The following FHOD3 variants were observed in gnomAD, a reference collection of about 807,000 sequenced individuals.
FHOD3 encodes FH1/FH2 domain-containing protein 3.
A neutral mutation model predicts 173.0 loss-of-function variants in FHOD3; 90 were observed. That is an observed-to-expected ratio of 0.52 (90% confidence interval 0.44 to 0.62). The LOEUF is 0.62. FHOD3 is among the 20% of genes least tolerant of loss of function. FHOD3 has a pLI of 0.00. For missense variants in FHOD3, 1,945 were observed against 2,034.7 expected (o/e 0.96, Z 0.85); for synonymous variants, 828 against 823.0 (o/e 1.01, Z -0.10).
At chr18:36,431,783 A>AG (rs1236828277) in intron 3 of FHOD3, among the ~76,000 whole-genome samples, 1 of 152,248 alleles carries the variant, frequency 6.6e-6, no homozygotes, top group Non-Finnish European at 1.5e-5. Flanking sequence ...GGAAGGCCCA[A>AG]GGAAGTTTCC....
At chr18:36,657,996 G>A in intron 13 of FHOD3, 79 bp from the exon 14 acceptor site, 1 of 1,050,124 alleles carries the variant, frequency 9.5e-7, no homozygotes, top group African/African-American at 1.6e-5. Flanking sequence ...AAATTAAAAT[G>A]GTTTGCTAAG....
intron 1 of FHOD3, among the ~76,000 whole-genome samples, chr18:36,314,322 C>T (rs1697127102): frequency 6.6e-6 from 1 of 152,204 alleles, no homozygotes; most frequent in Non-Finnish European, 1.5e-5. Context: ...GTGAGAATCA[C>T]TTCTCAATCC....
intron 2 of FHOD3, among the ~76,000 whole-genome samples, chr18:36,370,370 T>C (rs1028112979): frequency 2.6e-5 from 4 of 152,140 alleles, no homozygotes; most frequent in African/African-American, 9.7e-5. Flanking sequence ...CATTAGGGTT[T>C]AGCTTAACAA....
chr18:36,678,908 A>G (rs2038051549), intron 14 of FHOD3, among the ~76,000 whole-genome samples: 1 of 149,376 alleles, frequency 6.7e-6, no homozygotes. Flanking sequence ...ATCTGGCTTT[A>G]GTGTCAGAGT....
intron 2 of FHOD3, among the ~76,000 whole-genome samples, chr18:36,370,132 A>G (rs2047108649): frequency 6.6e-6 from 1 of 152,090 alleles, no homozygotes; most frequent in Non-Finnish European, 1.5e-5. Flanking sequence ...CCTCTTCCTT[A>G]GCTGGTCCCC....
At chr18:36,695,496 T>G (rs150492220) in intron 17 of FHOD3, among the ~76,000 whole-genome samples, 2 of 152,266 alleles carry the variant, frequency 1.3e-5, no homozygotes, top group East Asian at 3.9e-4. Context: ...AATCTGCATA[T>G]AACCAAGAAT....
chr18:36,651,281 G>T (rs2036033203), intron 11 of FHOD3, among the ~76,000 whole-genome samples: 1 of 152,124 alleles, frequency 6.6e-6, no homozygotes. Flanking sequence ...CACATTCCAT[G>T]TTCACACGAA....
At chr18:36,415,032 C>T (rs1352256474) in intron 3 of FHOD3, among the ~76,000 whole-genome samples, 2 of 152,092 alleles carry the variant, frequency 1.3e-5, no homozygotes, top group African/African-American at 4.8e-5. Context: ...AACTGGGGAG[C>T]AAGGACCACA....
intron 3 of FHOD3, among the ~76,000 whole-genome samples, chr18:36,445,230 G>A (rs1383653406): frequency 2.0e-5 from 3 of 152,202 alleles, no homozygotes; most frequent in Non-Finnish European, 4.4e-5. Flanking sequence ...TTTGAGGCCA[G>A]TTCAGGACTT....
chr18:36,674,867 G>A (rs181454217), intron 14 of FHOD3, among the ~76,000 whole-genome samples: 1 of 152,286 alleles, frequency 6.6e-6, no homozygotes, highest in East Asian at 1.9e-4. Context: ...CAAAGAAGAG[G>A]AAGACTTGAG....
intron 23 of FHOD3, among the ~76,000 whole-genome samples, chr18:36,745,833 C>T (rs575839294): frequency 6.6e-6 from 1 of 150,736 alleles, no homozygotes; most frequent in East Asian, 2.0e-4. Context: ...GTGTACCTCC[C>T]GCTCATCCCC....
At chr18:36,524,406 G>A (rs1475149154) in intron 5 of FHOD3, among the ~76,000 whole-genome samples, 1 of 152,140 alleles carries the variant, frequency 6.6e-6, no homozygotes, top group East Asian at 1.9e-4. Context: ...TGTACATGGT[G>A]AGGCCAGGGG....
At chr18:36,317,446 G>A (rs978311777) in intron 1 of FHOD3, among the ~76,000 whole-genome samples, 7 of 152,142 alleles carry the variant, frequency 4.6e-5, no homozygotes, top group African/African-American at 1.7e-4. Context: ...TTTGCATTGT[G>A]GTTTTGATTT....
At chr18:36,709,018 C>T in intron 17 of FHOD3, 77 bp from the exon 18 acceptor site, 1 of 1,526,098 alleles carries the variant, frequency 6.6e-7, no homozygotes, top group Non-Finnish European at 8.9e-7. Context: ...AGAAATCAAC[C>T]TCACATTCAT....
intron 2 of FHOD3, among the ~76,000 whole-genome samples, chr18:36,366,311 A>G (rs906250308): frequency 2.0e-5 from 3 of 152,190 alleles, no homozygotes; most frequent in Non-Finnish European, 2.9e-5. Flanking sequence ...AGCAAGAGAC[A>G]TACAGAAAGT....
At chr18:36,754,097 C>T (rs1352526720) in intron 24 of FHOD3, among the ~76,000 whole-genome samples, 1 of 152,142 alleles carries the variant, frequency 6.6e-6, no homozygotes, top group Non-Finnish European at 1.5e-5. Context: ...CATATCTAAG[C>T]ACATTAATCC....
chr18:36,385,643 C>T (rs562366408), intron 3 of FHOD3, among the ~76,000 whole-genome samples: 6 of 152,322 alleles, frequency 3.9e-5, no homozygotes, highest in Non-Finnish European at 5.9e-5. Flanking sequence ...CTCAGGTGAT[C>T]CGCCTGCCTT....
chr18:36,323,279 C>A (rs1172136569), intron 1 of FHOD3, among the ~76,000 whole-genome samples: 1 of 152,182 alleles, frequency 6.6e-6, no homozygotes, highest in African/African-American at 2.4e-5. Context: ...CACGTAACAC[C>A]AGGGCAAAGA....
intron 6 of FHOD3, among the ~76,000 whole-genome samples, chr18:36,586,888 A>G (rs944628068): frequency 6.6e-6 from 1 of 152,216 alleles, no homozygotes; most frequent in African/African-American, 2.4e-5. Flanking sequence ...GGTTCTTTAA[A>G]GAAGCTCTTA....
Sources: allele counts gnomAD v4.1 joint callset (sites outside exome capture counted in the v4.1 genomes callset), GRCh38; gene constraint gnomAD v4.1.1; transcripts MANE v1.5; gene names NCBI Gene and HGNC (gene_info 2026-07-23, HGNC 2026-07-21).